The following CMPK1 variants were observed in gnomAD, a reference collection of about 807,000 sequenced individuals.
CMPK1 encodes the protein UMP-CMP kinase.
A neutral mutation model predicts 25.7 loss-of-function variants in CMPK1; 10 were observed. That is an observed-to-expected ratio of 0.39 (90% CI 0.24 to 0.66). The LOEUF (loss-of-function observed/expected upper bound fraction) is 0.66, where lower values mean the gene tolerates loss of function less well. Ranked by LOEUF, CMPK1 falls within the 30% of genes least tolerant of loss-of-function variation. CMPK1 has a pLI of 0.48. For synonymous variants in CMPK1, 106 were observed against 101.5 expected (o/e 1.04, Z -0.27); for missense variants, 199 against 280.5 (o/e 0.71, Z 2.08).
intron 1 of CMPK1, among the ~76,000 whole-genome samples, chr1:47,365,331 G>T (rs1646631858): frequency 7.0e-6 from 1 of 143,030 alleles, no homozygotes; most frequent in Non-Finnish European, 1.5e-5. Flanking sequence ...AGATGCAGTT[G>T]CTAAGAAATG....
At chr1:47,360,224 A>G (rs1646592001) in intron 1 of CMPK1, among the ~76,000 whole-genome samples, 1 of 152,178 alleles carries the variant, frequency 6.6e-6, no homozygotes, top group Non-Finnish European at 1.5e-5. Context: ...ATCTTTGACC[A>G]TTTTCCATTC....
intron 1 of CMPK1, among the ~76,000 whole-genome samples, chr1:47,337,921 A>G (rs1646411598): frequency 6.6e-6 from 1 of 152,060 alleles, no homozygotes; most frequent in Admixed American, 6.6e-5. Flanking sequence ...TGGAATATCT[A>G]TTGTTAGTGA....
At chr1:47,375,156 G>T (rs1481835495) in intron 4 of CMPK1, 41 bp from the exon 5 acceptor site, 1 of 1,469,320 alleles carries the variant, frequency 6.8e-7, no homozygotes, top group Admixed American at 1.7e-5. Flanking sequence ...TAGAAGAAAG[G>T]ATAGATACCT....
intron 1 of CMPK1, among the ~76,000 whole-genome samples, chr1:47,364,125 C>T (rs1342180267): frequency 6.6e-6 from 1 of 151,660 alleles, no homozygotes; most frequent in Non-Finnish European, 1.5e-5. Flanking sequence ...AGCACATAAC[C>T]AGCATTTAGA....
intron 1 of CMPK1, among the ~76,000 whole-genome samples, chr1:47,343,319 C>T (rs1026567450): frequency 5.8e-5 from 8 of 137,094 alleles, no homozygotes; most frequent in South Asian, 2.8e-4. Context: ...TTTTCCTGGC[C>T]GGGCGCAGTG....
intron 1 of CMPK1, among the ~76,000 whole-genome samples, chr1:47,335,865 G>A (rs1369667195): frequency 6.6e-6 from 1 of 151,934 alleles, no homozygotes; most frequent in African/African-American, 2.4e-5. Context: ...CCAGGTTCAA[G>A]CGATTTTCCT....
chr1:47,334,943 G>A lies in CMPK1; in HGVS notation c.171+827G>A, dbSNP rs142248139. 6.6e-3 allele frequency among the ~76,000 whole-genome samples: 1,006 copies of A among 151,798 alleles called. 12 individuals are homozygous for A. The highest frequency in any genetic ancestry group is 0.023 in the African/African-American group (938 of 41,430). ...AAATGCTGTTACTTTTTTTTCTTTT[G>A]CTTTGAGACAGGTTACCAGTTCAAT... is the stretch of plus-strand genomic sequence containing the variant. On this transcript the variant is annotated intron_variant, in intron 1 of 5. Coordinates refer to ENST00000371873, the MANE Select transcript of CMPK1 (RefSeq NM_016308.3).
chr1:47,352,791 A>T (rs2622924), intron 1 of CMPK1, among the ~76,000 whole-genome samples: 1 of 152,142 alleles, frequency 6.6e-6, no homozygotes, highest in Non-Finnish European at 1.5e-5. Flanking sequence ...TCTGCTGTAC[A>T]TTATAGAAAT....
intron 1 of CMPK1, among the ~76,000 whole-genome samples, chr1:47,366,871 C>T (rs1301237056): frequency 1.3e-5 from 2 of 152,020 alleles, no homozygotes; most frequent in African/African-American, 4.8e-5. Flanking sequence ...ATTACAGGCA[C>T]CTGCAACCAC....
chr1:47,375,711 C>T lies in CMPK1; in HGVS notation c.645+418C>T, dbSNP rs189948306. 3.9e-5 allele frequency among the ~76,000 whole-genome samples: 6 copies of T among 152,292 alleles called. No homozygotes were observed. The East Asian group carries it at 9.6e-4, about 24-fold the overall frequency. On this transcript the variant is annotated intron_variant, in intron 5 of 5. Coordinates refer to ENST00000371873, the MANE Select transcript of CMPK1 (RefSeq NM_016308.3). ...TGGCAAGTCATCTAGCTCAAGAGCTCCAGGCTTCTTTCTTCTGCCACAGAA... is the reference window on the plus strand; with the variant it reads ...TGGCAAGTCATCTAGCTCAAGAGCTTCAGGCTTCTTTCTTCTGCCACAGAA...
intron 1 of CMPK1, among the ~76,000 whole-genome samples, chr1:47,335,546 A>G (rs1372028782): frequency 6.7e-6 from 1 of 149,176 alleles, no homozygotes; most frequent in Admixed American, 6.8e-5. Flanking sequence ...CTGAGGCAGG[A>G]GAATCGCTTG....
intron 1 of CMPK1, among the ~76,000 whole-genome samples, chr1:47,362,832 TAGC>T (rs1213141018): frequency 6.6e-6 from 1 of 152,208 alleles, no homozygotes; most frequent in Non-Finnish European, 1.5e-5. Flanking sequence ...AGGAATCCAC[TAGC>T]AATTTAAGTC....
rs11554567 is a variant in CMPK1, at chr1:47,377,057, C to T, written c.*312C>T. The T allele has an allele frequency of 5.3e-4, 107 of 200,294 alleles. No individual in the cohort carries two copies. In the Middle Eastern group the frequency reaches 0.011, roughly 20 times the overall value. The allele number at this position is 200,294 out of a possible 1,614,324, so 12.4% of individuals were successfully genotyped here. A position where few individuals can be genotyped will look rare whatever the true frequency, so the allele number is the denominator to read the frequency against. ...TCTGTGAGCAAAACTTTTTAGTACG[C>T]GTATATATCCCTCTAGTAATCACAA... is the stretch of plus-strand genomic sequence containing the variant. On this transcript the variant is annotated 3_prime_UTR_variant, in exon 6 of 6. Transcript: ENST00000371873.
chr1:47,374,799 G>A (rs1021667004), intron 3 of CMPK1, 110 bp from the exon 4 acceptor site: 7 of 686,938 alleles, frequency 1.0e-5, no homozygotes, highest in African/African-American at 3.6e-5. Context: ...GACACATTGG[G>A]TTTATTGCAG....
rs1441530938 is a variant in CMPK1 at position 47,359,241 on chromosome 1, T to TGTAGTCCCAGCTACTC, written c.172-9227_172-9226insTAGTCCCAGCTACTCG. On this transcript the variant is annotated intron_variant, in intron 1 of 5. Transcript: ENST00000371873. The stretch of plus-strand genomic sequence containing the variant: ...CTGAGGCAGGAGAATGGCGTGAACC[T>TGTAGTCCCAGCTACTC]GGGAGGCAGAGCTTGCAGTGAGCCA... Among the ~76,000 whole-genome samples the TGTAGTCCCAGCTACTC allele has an allele frequency of 2.6e-5, 4 of 151,250 alleles. No homozygotes were observed. The East Asian group carries it at 7.8e-4, about 30-fold the overall frequency.
intron 1 of CMPK1, among the ~76,000 whole-genome samples, chr1:47,337,652 C>T (rs55738011): frequency 0.081 from 12,086 of 149,302 alleles, 1,610 homozygotes; most frequent in African/African-American, 0.28. Context: ...GTCACGCTGT[C>T]GGCCAGGCTG....
intron 1 of CMPK1, among the ~76,000 whole-genome samples, chr1:47,347,350 CA>C (rs1486031524): frequency 6.6e-6 from 1 of 152,016 alleles, no homozygotes; most frequent in African/African-American, 2.4e-5. Flanking sequence ...GCTGGGACTA[CA>C]GGCACATCAC....
Position 47,376,900 on chromosome 1 carries a change from CT to C in CMPK1, c.*163del, listed in dbSNP as rs979061458. Reference sequence around the variant, plus strand: ...AAAACAAAGTAAATTTTTTTATGTTCTTTTTTTTGGTCACAGGAGTAGACAG... The same window carrying C: ...AAAACAAAGTAAATTTTTTTATGTTCTTTTTTTGGTCACAGGAGTAGACAG... On this transcript the variant is annotated 3_prime_UTR_variant, in exon 6 of 6. Transcript: ENST00000371873. 168 of 471,400 alleles carry C rather than the reference CT, an allele frequency of 3.6e-4. No homozygotes were observed. Among genetic ancestry groups the C allele is most frequent in the East Asian group, 5.5e-4 (16 of 29,094 alleles). The allele number at this position is 471,400 out of a possible 1,614,324, so 29.2% of individuals were successfully genotyped here.
chr1:47,375,432 C>T (rs2306470), intron 5 of CMPK1, 139 bp downstream of exon 5: 105,000 of 588,848 alleles, frequency 0.18, 13,113 homozygotes, highest in East Asian at 0.58. Flanking sequence ...CATGGTGGCT[C>T]ATGCTTGTAA....
Sources: allele counts gnomAD v4.1 joint callset (sites outside exome capture counted in the v4.1 genomes callset), GRCh38; gene constraint gnomAD v4.1.1; transcripts MANE v1.5; gene names NCBI Gene and HGNC (gene_info 2026-07-23, HGNC 2026-07-21).